Variants in RBFOX3 observed in about 807,000 individuals in gnomAD.
RBFOX3 encodes RNA binding fox-1 homolog 3.
In RBFOX3, 17 loss-of-function variants were observed where a neutral mutation model predicts 48.7. The observed-to-expected ratio is 0.35, with a 90% CI of 0.24 to 0.52. RBFOX3 has a LOEUF of 0.52. Ranked by LOEUF, RBFOX3 falls within the 20% of genes least tolerant of loss-of-function variation. The probability of loss-of-function intolerance (pLI) is 0.94; values close to 1 mark genes in which losing one functional copy is unlikely to be tolerated. For synonymous variants in RBFOX3, 212 were observed against 209.5 expected (o/e 1.01, Z -0.10); for missense variants, 382 against 497.5 (o/e 0.77, Z 2.21).
chr17:79,623,270 C>G, the RBFOX3 span, among the ~76,000 whole-genome samples: 2 of 152,226 alleles, frequency 1.3e-5, no homozygotes, highest in Non-Finnish European at 2.9e-5. Context: ...AAAACTGGTT[C>G]AAGAACACCA....
chr17:79,230,677 C>CT (rs2060930564), intron 4 of RBFOX3, among the ~76,000 whole-genome samples: 1 of 152,132 alleles, frequency 6.6e-6, no homozygotes, highest in Non-Finnish European at 1.5e-5. Flanking sequence ...GGAGAGGAGG[C>CT]TGTTCTCAAG....
intron 1 of RBFOX3, among the ~76,000 whole-genome samples, chr17:79,492,588 T>C (rs2080851125): frequency 6.6e-6 from 1 of 152,196 alleles, no homozygotes; most frequent in Non-Finnish European, 1.5e-5. Context: ...CCGGCCAACA[T>C]ATCAACGCAA....
intron 4 of RBFOX3, among the ~76,000 whole-genome samples, chr17:79,211,605 GCCT>G (rs2058388608): frequency 6.6e-6 from 1 of 152,182 alleles, no homozygotes. Context: ...CCCTGCGGAT[GCCT>G]CCTTCCCACG....
rs1033086150 is a variant in RBFOX3 at position 79,311,283 on chromosome 17, A to G, written c.-174-3459T>C. Reference sequence around the variant, plus strand: ...CCCCATCTCTATTAAAAATACAAAAATTAGCTAGGCATGTTGGTGGGCACC... The same window carrying G: ...CCCCATCTCTATTAAAAATACAAAAGTTAGCTAGGCATGTTGGTGGGCACC... On this transcript the variant is annotated intron_variant, in intron 2 of 14. Coordinates refer to ENST00000693108, the MANE Select transcript of RBFOX3 (RefSeq NM_001350451.2). The surrounding 1 kb of genome is among the most constrained non-coding windows in gnomAD (Gnocchi z 4.2). Among the ~76,000 whole-genome samples the G allele has an allele frequency of 6.6e-6, 1 of 152,022 alleles. No individual in the cohort carries two copies. Among genetic ancestry groups the G allele is most frequent in the African/African-American group, 2.4e-5 (1 of 41,372 alleles).
At chr17:79,130,288 G>C (rs2038501288) in intron 4 of RBFOX3, among the ~76,000 whole-genome samples, 2 of 151,494 alleles carry the variant, frequency 1.3e-5, no homozygotes, top group Admixed American at 6.5e-5. Context: ...GAAGGCCCAG[G>C]GCAGATCAAG....
chr17:79,631,863 G>A, the RBFOX3 span, among the ~76,000 whole-genome samples: 4 of 152,178 alleles, frequency 2.6e-5, no homozygotes, highest in South Asian at 2.1e-4. Flanking sequence ...CTGGAGTGTC[G>A]TTTATAATTG....
At chr17:79,589,137 G>C (rs1359237348) in intron 1 of RBFOX3, among the ~76,000 whole-genome samples, 1 of 152,332 alleles carries the variant, frequency 6.6e-6, no homozygotes, top group African/African-American at 2.4e-5. Context: ...TGCCTGGGAG[G>C]GGGCATTAGA....
At chr17:79,655,858 A>T in the RBFOX3 span, among the ~76,000 whole-genome samples, 1 of 151,936 alleles carries the variant, frequency 6.6e-6, no homozygotes, top group Non-Finnish European at 1.5e-5. Context: ...CACCAGTCAC[A>T]CTCATGGGAG....
At chr17:79,513,997 TC>T (rs1404344676) in intron 1 of RBFOX3, among the ~76,000 whole-genome samples, 1 of 152,178 alleles carries the variant, frequency 6.6e-6, no homozygotes, top group Admixed American at 6.5e-5. Context: ...GACCTGCCAA[TC>T]CTTGAAGCAC....
chr17:79,416,950 G>A (rs868975131), intron 2 of RBFOX3, among the ~76,000 whole-genome samples: 6 of 152,242 alleles, frequency 3.9e-5, no homozygotes, highest in Admixed American at 1.3e-4. Flanking sequence ...ACCCGCATCC[G>A]AGGAATACCA....
At chr17:79,590,915 C>T (rs2093397751) in intron 1 of RBFOX3, among the ~76,000 whole-genome samples, 1 of 152,172 alleles carries the variant, frequency 6.6e-6, no homozygotes, top group Non-Finnish European at 1.5e-5. Flanking sequence ...TCAATGAACC[C>T]CAAGAAGGGG....
At chr17:79,576,330 G>T (rs1470945996) in intron 1 of RBFOX3, among the ~76,000 whole-genome samples, 2 of 152,088 alleles carry the variant, frequency 1.3e-5, no homozygotes, top group Non-Finnish European at 2.9e-5. Context: ...GATGAAGATG[G>T]AGATCACAGA....
chr17:79,310,874 C>T (rs1036762271), intron 2 of RBFOX3, among the ~76,000 whole-genome samples: 6 of 152,154 alleles, frequency 3.9e-5, no homozygotes, highest in East Asian at 1.9e-4. Flanking sequence ...CTTGGGGTCT[C>T]GGGGCATCTG....
intron 2 of RBFOX3, among the ~76,000 whole-genome samples, chr17:79,382,691 C>T (rs1054492957): frequency 2.6e-5 from 4 of 152,248 alleles, no homozygotes; most frequent in East Asian, 3.9e-4. Flanking sequence ...CCAGCATCCT[C>T]GCAAACAGCT....
intron 2 of RBFOX3, among the ~76,000 whole-genome samples, chr17:79,321,563 C>T (rs1203986165): frequency 1.3e-5 from 2 of 152,116 alleles, no homozygotes; most frequent in Non-Finnish European, 2.9e-5. Context: ...TCTACCATCG[C>T]CAGTGTCCTA....
chr17:79,158,189 C>G (rs1208295530), intron 4 of RBFOX3, among the ~76,000 whole-genome samples: 1 of 152,166 alleles, frequency 6.6e-6, no homozygotes, highest in Non-Finnish European at 1.5e-5. Flanking sequence ...GGAAGAGAGG[C>G]CTCCAACAGA....
rs558359405 is a variant in RBFOX3, at chr17:79,188,677, C to G, written c.-34+47089G>C. Among the ~76,000 whole-genome samples the G allele has an allele frequency of 1.2e-3, 183 of 152,328 alleles. 1 individual carries two copies. Among genetic ancestry groups the G allele is most frequent in the African/African-American group, 4.2e-3 (174 of 41,570 alleles). On this transcript the variant is annotated intron_variant, in intron 4 of 14. Transcript: ENST00000693108. ...GGTGCCGCTCACTCTGCTCCTTCCA[C>G]TCCGCACTGTTGCCAAGCTTTATTT... is the stretch of plus-strand genomic sequence containing the variant.
chr17:79,284,772 T>G (rs577839021), intron 3 of RBFOX3, among the ~76,000 whole-genome samples: 31 of 152,186 alleles, frequency 2.0e-4, no homozygotes, highest in African/African-American at 6.0e-4. Context: ...ACTCCTGACC[T>G]CAGGTGATCC....
chr17:79,335,557 C>T (rs986075445), intron 2 of RBFOX3, among the ~76,000 whole-genome samples: 2 of 152,200 alleles, frequency 1.3e-5, no homozygotes, highest in African/African-American at 2.4e-5. Flanking sequence ...CTCTAGGTCC[C>T]AGGCTACACT....
Sources: allele counts gnomAD v4.1 joint callset (sites outside exome capture counted in the v4.1 genomes callset), GRCh38; gene constraint gnomAD v4.1.1; non-coding constraint Gnocchi (gnomAD v3.1); transcripts MANE v1.5; gene names NCBI Gene and HGNC (gene_info 2026-07-23, HGNC 2026-07-21).